RBFOX1: variants seen among roughly 807,000 people sequenced by gnomAD.
RBFOX1 encodes the protein RNA binding protein fox-1 homolog 1.
RBFOX1 carries 8 observed loss-of-function variants against 57.7 expected under a neutral mutation model. The ratio of observed to expected loss-of-function variants is 0.14; its 90% CI spans 0.08 to 0.25. RBFOX1 has a LOEUF of 0.25. Among genes scored for constraint, RBFOX1 ranks in the 10% least tolerant of loss-of-function variants. RBFOX1 has a pLI of 1.00. For synonymous variants in RBFOX1, 326 were observed against 222.4 expected, an observed-to-expected ratio of 1.47 and a Z score of -4.15; for missense variants, 611 against 548.5, an observed-to-expected ratio of 1.11 and a Z score of -1.14.
At chr16:7,558,697 C>A (rs181175750) in intron 5 of RBFOX1, among the ~76,000 whole-genome samples, 2,737 of 152,232 alleles carry the variant, frequency 0.018, 95 homozygotes, top group African/African-American at 0.062. Flanking sequence ...CCACCAGCTA[C>A]CCCAGGCTGA....
intron 3 of RBFOX1, among the ~76,000 whole-genome samples, chr16:6,700,626 C>G (rs1382509961): frequency 6.6e-6 from 1 of 151,974 alleles, no homozygotes; most frequent in Non-Finnish European, 1.5e-5. Flanking sequence ...CCACTGCACT[C>G]CAGCCTGGGC....
intron 2 of RBFOX1, among the ~76,000 whole-genome samples, chr16:6,508,620 C>T (rs28666610): frequency 1.3e-5 from 2 of 152,100 alleles, no homozygotes; most frequent in Non-Finnish European, 2.9e-5. Flanking sequence ...ATTGCTGTTT[C>T]TTCTTTACTT....
chr16:6,655,602 A>T (rs1410282073), intron 3 of RBFOX1, among the ~76,000 whole-genome samples: 1 of 152,112 alleles, frequency 6.6e-6, no homozygotes, highest in East Asian at 1.9e-4. Context: ...TAATATTTTC[A>T]CAGTCTCTTT....
chr16:5,700,703 T>C (rs2051017499), intron 3 of RBFOX1, among the ~76,000 whole-genome samples: 1 of 152,202 alleles, frequency 6.6e-6, no homozygotes, highest in African/African-American at 2.4e-5. Flanking sequence ...GAGACTCCAA[T>C]TAGATGCATG....
At chr16:5,346,349 T>C (rs1221363443) in intron 1 of RBFOX1, among the ~76,000 whole-genome samples, 1 of 152,130 alleles carries the variant, frequency 6.6e-6, no homozygotes, top group Non-Finnish European at 1.5e-5. Flanking sequence ...ATTTAAATCA[T>C]CATCGTCATT....
intron 2 of RBFOX1, among the ~76,000 whole-genome samples, chr16:6,638,526 G>A (rs1449972254): frequency 1.3e-5 from 2 of 152,068 alleles, no homozygotes; most frequent in African/African-American, 4.8e-5. Context: ...TTACTACCAT[G>A]TTGTCAAACT....
chr16:6,334,058 C>G (rs1438920213), intron 2 of RBFOX1, among the ~76,000 whole-genome samples: 1 of 151,994 alleles, frequency 6.6e-6, no homozygotes, highest in Non-Finnish European at 1.5e-5. Context: ...AATATTTTAA[C>G]CATTGAGTAA....
chr16:5,282,257 C>A (rs545586141), intron 1 of RBFOX1, among the ~76,000 whole-genome samples: 1 of 152,222 alleles, frequency 6.6e-6, no homozygotes, highest in African/African-American at 2.4e-5. Context: ...CAATGTAGAA[C>A]TGTAAGTCCA....
At chr16:5,266,313 C>G (rs1292288269) in intron 1 of RBFOX1, among the ~76,000 whole-genome samples, 1 of 152,248 alleles carries the variant, frequency 6.6e-6, no homozygotes, top group African/African-American at 2.4e-5. Context: ...AGTAACACAA[C>G]TCCCCCCAAG....
At chr16:6,978,764 C>G in intron 3 of RBFOX1, among the ~76,000 whole-genome samples, 1 of 152,186 alleles carries the variant, frequency 6.6e-6, no homozygotes, top group East Asian at 1.9e-4. Flanking sequence ...GATTTGAACC[C>G]CAGTGGCCTG....
chr16:7,588,287 G>C (rs1441709829), intron 7 of RBFOX1, among the ~76,000 whole-genome samples: 1 of 152,200 alleles, frequency 6.6e-6, no homozygotes, highest in Non-Finnish European at 1.5e-5. Flanking sequence ...CCCAGACCAG[G>C]AATATCAGCA....
chr16:5,486,201 C>G (rs1174957539), intron 2 of RBFOX1, among the ~76,000 whole-genome samples: 1 of 152,194 alleles, frequency 6.6e-6, no homozygotes, highest in Non-Finnish European at 1.5e-5. Flanking sequence ...GTGATGGAGA[C>G]TTGACTGCAG....
Position 5,314,579 on chromosome 16 carries a change from C to T in RBFOX1, c.219+74474C>T, listed in dbSNP as rs541277684. Reference sequence around the variant, plus strand: ...GCAGTGGTGCAATCACAGCTCACTGCGGCCTTGATCTCCTGGGCTGAAGTG... The same window carrying T: ...GCAGTGGTGCAATCACAGCTCACTGTGGCCTTGATCTCCTGGGCTGAAGTG... On this transcript the variant is annotated intron_variant, in intron 1 of 2. Transcript: ENST00000585867. 7.2e-5 allele frequency among the ~76,000 whole-genome samples: 11 copies of T among 152,312 alleles called. No homozygotes were observed. In the East Asian group the frequency reaches 1.2e-3, roughly 16 times the overall value.
At chr16:5,240,860 C>T (rs1455717434) in intron 1 of RBFOX1, among the ~76,000 whole-genome samples, 2 of 152,120 alleles carry the variant, frequency 1.3e-5, no homozygotes, top group African/African-American at 4.8e-5. Flanking sequence ...CCCAACTCTT[C>T]CTGTGTGGCT....
intron 3 of RBFOX1, among the ~76,000 whole-genome samples, chr16:5,723,171 A>G (rs1329215930): frequency 6.6e-6 from 1 of 152,172 alleles, no homozygotes; most frequent in African/African-American, 2.4e-5. Context: ...GAGTGTATGC[A>G]TCTGTAACAT....
At chr16:5,441,796 T>G (rs1344808565) in intron 1 of RBFOX1, among the ~76,000 whole-genome samples, 1 of 152,128 alleles carries the variant, frequency 6.6e-6, no homozygotes, top group Non-Finnish European at 1.5e-5. Flanking sequence ...GAGTGCCCAG[T>G]GAAGGGGGAA....
chr16:7,665,344 G>C (rs2068927633), intron 13 of RBFOX1, among the ~76,000 whole-genome samples: 2 of 152,200 alleles, frequency 1.3e-5, no homozygotes, highest in African/African-American at 4.8e-5. Context: ...ACCAGCTGCA[G>C]AGGGTTAAAA....
At chr16:6,556,021 TCTTA>T (rs1414555966) in intron 2 of RBFOX1, among the ~76,000 whole-genome samples, 1 of 152,164 alleles carries the variant, frequency 6.6e-6, no homozygotes, top group African/African-American at 2.4e-5. Flanking sequence ...GTAATATTAG[TCTTA>T]CTTTGAGGCA....
chr16:7,209,363 C>G (rs2090656949), intron 4 of RBFOX1, among the ~76,000 whole-genome samples: 1 of 152,044 alleles, frequency 6.6e-6, no homozygotes, highest in African/African-American at 2.4e-5. Flanking sequence ...ACAAGATCTC[C>G]TTTTCTTATA....
Sources: gnomAD v4.1 joint callset for allele counts (sites outside exome capture counted in the v4.1 genomes callset) on GRCh38, gnomAD v4.1.1 for gene constraint, MANE v1.5 for transcripts, NCBI Gene and HGNC (gene_info 2026-07-23, HGNC 2026-07-21) for gene names.